RAD54L2: variants seen among roughly 807,000 people sequenced by gnomAD.
RAD54L2 encodes helicase ARIP4.
In RAD54L2, 27 loss-of-function variants were observed where a neutral mutation model predicts 138.4. That is an observed-to-expected ratio of 0.20 (90% confidence interval 0.14 to 0.27). The LOEUF is 0.27. Ranked by LOEUF, RAD54L2 falls within the 10% of genes least tolerant of loss-of-function variation. The pLI, the probability that RAD54L2 is intolerant of heterozygous loss-of-function variation, is 1.00. For missense variants in RAD54L2, 1,396 were observed against 1,890.2 expected, an observed-to-expected ratio of 0.74 and a Z score of 4.85; for synonymous variants, 644 against 723.2, an observed-to-expected ratio of 0.89 and a Z score of 1.76.
intron 3 of RAD54L2, among the ~76,000 whole-genome samples, chr3:51,598,173 GTGTGTATA>G (rs1055125862): frequency 2.1e-5 from 3 of 144,482 alleles, no homozygotes; most frequent in African/African-American, 7.6e-5. Flanking sequence ...GTGTGTGTGT[GTGTGTATA>G]TATATATATA....
intron 2 of RAD54L2, among the ~76,000 whole-genome samples, chr3:51,573,449 ATT>A (rs113639116): frequency 6.8e-6 from 1 of 146,860 alleles, no homozygotes; most frequent in Non-Finnish European, 1.5e-5. Context: ...AAATCTATCT[ATT>A]TTTTTTTTTT....
chr3:51,630,119 A>C (rs1049972670), intron 5 of RAD54L2, among the ~76,000 whole-genome samples, 153 bp from the exon 6 acceptor site: 1 of 152,124 alleles, frequency 6.6e-6, no homozygotes, highest in Non-Finnish European at 1.5e-5. Flanking sequence ...ATTTGGAAGG[A>C]GGGCTGAGGT....
chr3:51,545,931 CTTT>C (rs781819728), intron 2 of RAD54L2, among the ~76,000 whole-genome samples: 2 of 79,452 alleles, frequency 2.5e-5, no homozygotes, highest in African/African-American at 1.0e-4. Flanking sequence ...TACATCAATT[CTTT>C]TTTTTTTTTT....
chr3:51,561,525 G>C (rs550602503), intron 2 of RAD54L2, among the ~76,000 whole-genome samples: 1 of 151,888 alleles, frequency 6.6e-6, no homozygotes, highest in African/African-American at 2.4e-5. Context: ...GATTATAGGC[G>C]TGAGCCACCA....
intron 9 of RAD54L2, among the ~76,000 whole-genome samples, chr3:51,634,502 T>C (rs1203186176): frequency 6.6e-6 from 1 of 151,732 alleles, no homozygotes; most frequent in East Asian, 1.9e-4. Context: ...CCCGAGTAGC[T>C]GGGATTACAG....
At position 51,629,418 on chromosome 3, in the gene RAD54L2, G is replaced by A. The variant is rs1333093670; in HGVS notation, c.426G>A (p.Gln142=). 7 of 1,611,222 alleles carry A rather than the reference G, an allele frequency of 4.3e-6. No individual in the cohort carries two copies. The highest frequency in any genetic ancestry group is 5.9e-6 in the Non-Finnish European group (7 of 1,178,850). ...TGGAAAGAAGGAAGCGCCTGGAGCAGCAGAGGAAAGATTATGCAGCCCCTA... is the reference window on the plus strand; with the variant it reads ...TGGAAAGAAGGAAGCGCCTGGAGCAACAGAGGAAAGATTATGCAGCCCCTA... ...EELERRKRLE[Q]QRKDYAAPIP... Residue 142 remains glutamine (Q), a synonymous_variant, in exon 5 of 23, where the codon CAG becomes CAA. Coordinates refer to ENST00000684192, the MANE Select transcript of RAD54L2 (RefSeq NM_015106.4).
chr3:51,550,855 G>A (rs994040946), intron 2 of RAD54L2, among the ~76,000 whole-genome samples: 3 of 151,998 alleles, frequency 2.0e-5, no homozygotes, highest in Non-Finnish European at 2.9e-5. Context: ...AAGAACTGCC[G>A]GGCCAACATG....
rs1224744322 is a variant in RAD54L2, at chr3:51,668,594, G to A, written c.*5174G>A. ...TTAAAAAAAAGCAAACAGAACAATTGTAAGTCAGTATAACTGCCTATCAGT... is the reference window on the plus strand; with the variant it reads ...TTAAAAAAAAGCAAACAGAACAATTATAAGTCAGTATAACTGCCTATCAGT... On this transcript the variant is annotated 3_prime_UTR_variant, in exon 23 of 23. Transcript: ENST00000684192. 1 of 152,208 alleles carries A rather than the reference G, an allele frequency of 6.6e-6. No individual in the cohort carries two copies. The highest frequency in any genetic ancestry group is 1.5e-5 in the Non-Finnish European group (1 of 68,034). The allele number at this position is 152,208 out of a possible 1,614,324, so 9.4% of individuals were successfully genotyped here.
chr3:51,645,274 A>G lies in RAD54L2; in HGVS notation c.2656+45A>G. On this transcript the variant is annotated intron_variant, in intron 17 of 22. Transcript: ENST00000684192. The surrounding 1 kb of genome is among the most constrained non-coding windows in gnomAD (Gnocchi z 6.1). Reference sequence around the variant, plus strand: ...TCGGAGAGGCACATCTATACAGGCTACCATCCTTTTAGTATCAAGGGTGGG... The same window carrying G: ...TCGGAGAGGCACATCTATACAGGCTGCCATCCTTTTAGTATCAAGGGTGGG... 1 of 1,525,452 alleles carries G rather than the reference A, an allele frequency of 6.6e-7. No individual in the cohort carries two copies. The highest frequency in any genetic ancestry group is 9.0e-7 in the Non-Finnish European group (1 of 1,114,074). The allele number at this position is 1,525,452 out of a possible 1,614,324, so 94.5% of individuals were successfully genotyped here. A position where few individuals can be genotyped will look rare whatever the true frequency, so the allele number is the denominator to read the frequency against.
intron 2 of RAD54L2, among the ~76,000 whole-genome samples, chr3:51,569,540 C>A (rs1358222830): frequency 6.6e-6 from 1 of 151,992 alleles, no homozygotes; most frequent in East Asian, 1.9e-4. Flanking sequence ...TCCACCACCA[C>A]GCCCAGCTAA....
At chr3:51,542,807 A>G (rs1029164716) in intron 2 of RAD54L2, among the ~76,000 whole-genome samples, 2 of 152,150 alleles carry the variant, frequency 1.3e-5, no homozygotes, top group African/African-American at 2.4e-5. Context: ...TCCACACTAT[A>G]AAGTCCAAGG....
chr3:51,629,773 G>T (rs1443713523), intron 5 of RAD54L2, among the ~76,000 whole-genome samples: 1 of 152,124 alleles, frequency 6.6e-6, no homozygotes, highest in East Asian at 1.9e-4. Flanking sequence ...GAGGCAGGGG[G>T]AATAGCTTGA....
At position 51,663,372 on chromosome 3, in the gene RAD54L2, T is replaced by A; in HGVS notation, c.4356T>A (p.Asn1452Lys). ...HEVAEVGFSS[N>K]DDEDKDDDVI... ...TTGCCGAGGTTGGGTTCAGCTCCAA[T>A]GATGATGAGGATAAAGACGATGATG... The change falls in exon 23 of 23, where the codon AAT becomes AAA. Residue 1452 changes from asparagine (N) to lysine (K), a missense_variant. Asn to Lys is a moderately conservative substitution (Grantham distance 94). Transcript: ENST00000684192. The A allele has an allele frequency of 6.2e-7, 1 of 1,613,580 alleles. No homozygotes were observed.
At chr3:51,654,310 A>G (rs186942132) in intron 19 of RAD54L2, among the ~76,000 whole-genome samples, 206 of 152,296 alleles carry the variant, frequency 1.4e-3, no homozygotes, top group African/African-American at 4.5e-3. Context: ...CGGCCTCCCA[A>G]GGTGCTGAGA....
At chr3:51,614,550 G>C (rs1031315035) in intron 3 of RAD54L2, among the ~76,000 whole-genome samples, 4 of 151,176 alleles carry the variant, frequency 2.6e-5, no homozygotes, top group Admixed American at 6.6e-5. Flanking sequence ...ATCTTGCTCT[G>C]TTGCCCAGGT....
intron 2 of RAD54L2, among the ~76,000 whole-genome samples, chr3:51,549,649 A>G (rs1345475885): frequency 1.3e-5 from 2 of 151,890 alleles, no homozygotes; most frequent in Non-Finnish European, 2.9e-5. Flanking sequence ...GAGGTGGTAC[A>G]CACCTGCAAT....
intron 2 of RAD54L2, among the ~76,000 whole-genome samples, chr3:51,580,042 A>G (rs1699571948): frequency 6.6e-6 from 1 of 152,084 alleles, no homozygotes; most frequent in African/African-American, 2.4e-5. Context: ...CAATTCTGAC[A>G]CTGCCGGGAG....
At chr3:51,639,856 A>C (rs1231067831) in intron 13 of RAD54L2, 25 bp from the exon 14 acceptor site, 2 of 1,553,908 alleles carry the variant, frequency 1.3e-6, no homozygotes. Flanking sequence ...GACCTGCTCT[A>C]AGCTGCCTTG....
In RAD54L2 at chr3:51,588,055, A is replaced by G. The variant is rs569360452; in HGVS notation, c.-54-2312A>G. On this transcript the variant is annotated intron_variant, in intron 2 of 22. Coordinates refer to ENST00000684192, the MANE Select transcript of RAD54L2 (RefSeq NM_015106.4). Reference sequence around the variant, plus strand: ...CAAAAAATTAGCCGGGCGTGGTGGCAGGCGCCTGTAGTCCCAGCTACTTGG... The same window carrying G: ...CAAAAAATTAGCCGGGCGTGGTGGCGGGCGCCTGTAGTCCCAGCTACTTGG... Among the ~76,000 whole-genome samples, 4 of 151,760 alleles carry G rather than the reference A, an allele frequency of 2.6e-5. No individual in the cohort carries two copies. The South Asian group carries it at 8.4e-4, about 32-fold the overall frequency.
Sources: allele counts gnomAD v4.1 joint callset (sites outside exome capture counted in the v4.1 genomes callset), GRCh38; gene constraint gnomAD v4.1.1; non-coding constraint Gnocchi (gnomAD v3.1); transcripts MANE v1.5; gene names NCBI Gene and HGNC (gene_info 2026-07-23, HGNC 2026-07-21).